The following MAML2 variants were observed in gnomAD, a reference collection of about 807,000 sequenced individuals.
MAML2 encodes mastermind-like protein 2.
A neutral mutation model predicts 96.1 loss-of-function variants in MAML2; 22 were observed. The ratio of observed to expected loss-of-function variants is 0.23; its 90% CI spans 0.16 to 0.33. The LOEUF (loss-of-function observed/expected upper bound fraction) is 0.33, where lower values mean the gene tolerates loss of function less well. Ranked by LOEUF, MAML2 falls within the 10% of genes least tolerant of loss-of-function variation. MAML2 has a pLI of 1.00. For missense variants in MAML2, 1,367 were observed against 1,392.4 expected (o/e 0.98, Z 0.29); for synonymous variants, 561 against 521.3 (o/e 1.08, Z -1.04).
Position 96,191,289 on chromosome 11 carries a change from C to A in MAML2, c.514-97772G>T, listed in dbSNP as rs527902410. Among the ~76,000 whole-genome samples the A allele has an allele frequency of 2.6e-5, 4 of 151,766 alleles. No homozygotes were observed. The South Asian group carries it at 6.3e-4, about 24-fold the overall frequency. On this transcript the variant is annotated intron_variant, in intron 1 of 4. Coordinates refer to ENST00000524717, the MANE Select transcript of MAML2 (RefSeq NM_032427.4). ...GACAATCCTGACCAACACGGTGAAA[C>A]CCCATCTCTACTAAAAATACAAAAA...
intron 2 of MAML2, among the ~76,000 whole-genome samples, chr11:96,034,186 A>G (rs575741458): frequency 1.3e-5 from 2 of 152,344 alleles, no homozygotes; most frequent in Non-Finnish European, 2.9e-5. Flanking sequence ...ATAGTTCAAC[A>G]TCTAAAACAT....
intron 2 of MAML2, among the ~76,000 whole-genome samples, chr11:96,085,232 A>G (rs760752154): frequency 8.5e-5 from 13 of 152,138 alleles, no homozygotes; most frequent in Non-Finnish European, 1.3e-4. Context: ...AAGGGTTAAG[A>G]TGATTCACTG....
chr11:96,042,748 T>TA (rs1247870188), intron 2 of MAML2, among the ~76,000 whole-genome samples: 2 of 147,134 alleles, frequency 1.4e-5, no homozygotes, highest in Non-Finnish European at 3.0e-5. Context: ...AACGTTCTTT[T>TA]TTTTTTTTTT....
At chr11:95,993,261 C>T (rs191921422) in intron 2 of MAML2, among the ~76,000 whole-genome samples, 281 of 151,060 alleles carry the variant, frequency 1.9e-3, no homozygotes, top group African/African-American at 6.4e-3. Flanking sequence ...TGTAAGGTTA[C>T]AAGACATAAA....
At chr11:96,268,198 G>A (rs1037561191) in intron 1 of MAML2, among the ~76,000 whole-genome samples, 1 of 152,140 alleles carries the variant, frequency 6.6e-6, no homozygotes, top group Non-Finnish European at 1.5e-5. Context: ...AAGTAGGCTG[G>A]GTGCACTGAC....
At chr11:95,984,292 C>A (rs965406548) in intron 4 of MAML2, among the ~76,000 whole-genome samples, 7 of 152,132 alleles carry the variant, frequency 4.6e-5, no homozygotes, top group Non-Finnish European at 8.8e-5. Flanking sequence ...ATGAAATTAC[C>A]TAACAACGCA....
chr11:96,223,810 T>C (rs1862174781), intron 1 of MAML2, among the ~76,000 whole-genome samples: 1 of 152,208 alleles, frequency 6.6e-6, no homozygotes, highest in African/African-American at 2.4e-5. Flanking sequence ...TTAGTTTAGG[T>C]ACAACACAAT....
intron 3 of MAML2, among the ~76,000 whole-genome samples, chr11:95,991,084 T>C (rs1857902372): frequency 1.3e-5 from 2 of 151,962 alleles, no homozygotes; most frequent in Non-Finnish European, 2.9e-5. Context: ...AGTTGCTTTA[T>C]TTTGGAAGCC....
At chr11:96,099,884 C>T (rs974250297) in intron 1 of MAML2, among the ~76,000 whole-genome samples, 1 of 152,194 alleles carries the variant, frequency 6.6e-6, no homozygotes, top group East Asian at 1.9e-4. Context: ...TAGCAATCCT[C>T]CTGCTTCAGC....
At chr11:96,162,544 T>C (rs1391199712) in intron 1 of MAML2, among the ~76,000 whole-genome samples, 1 of 151,624 alleles carries the variant, frequency 6.6e-6, no homozygotes, top group East Asian at 1.9e-4. Context: ...AGAAACCCTG[T>C]CTACTAAAAA....
chr11:96,137,681 G>A (rs750824557), intron 1 of MAML2, among the ~76,000 whole-genome samples: 2 of 152,202 alleles, frequency 1.3e-5, no homozygotes, highest in African/African-American at 2.4e-5. Flanking sequence ...GTGTGAGTGT[G>A]TCTGAAAGAC....
At chr11:96,183,713 T>A (rs1861527855) in intron 1 of MAML2, among the ~76,000 whole-genome samples, 1 of 152,112 alleles carries the variant, frequency 6.6e-6, no homozygotes, top group South Asian at 2.1e-4. Flanking sequence ...CCCAGCCCAT[T>A]TCTTTTATTA....
rs1334305027 is a variant in MAML2, at chr11:96,116,678, T to G, written c.514-23161A>C. Among the ~76,000 whole-genome samples, 5 of 152,340 alleles carry G rather than the reference T, an allele frequency of 3.3e-5. No homozygotes were observed. The East Asian group carries it at 5.8e-4, about 18-fold the overall frequency. ...AAAACAAATCAGGTTTCCAAAGTGC[T>G]TCTACTAAACAAGTGGATTCCTTTA... is the stretch of plus-strand genomic sequence containing the variant. On this transcript the variant is annotated intron_variant, in intron 1 of 4. Transcript: ENST00000524717.
At chr11:96,298,096 T>C (rs1384133682) in intron 1 of MAML2, among the ~76,000 whole-genome samples, 4 of 152,212 alleles carry the variant, frequency 2.6e-5, no homozygotes, top group Admixed American at 6.5e-5. Context: ...AAATTCACTA[T>C]ACTTAGGAAA....
chr11:96,245,595 T>C (rs1862499605), intron 1 of MAML2, among the ~76,000 whole-genome samples: 1 of 152,188 alleles, frequency 6.6e-6, no homozygotes, highest in African/African-American at 2.4e-5. Context: ...TGAGGTTTCA[T>C]CTGAAATGCA....
intron 1 of MAML2, among the ~76,000 whole-genome samples, chr11:96,285,533 A>G (rs537206865): frequency 1.5e-4 from 23 of 152,336 alleles, no homozygotes; most frequent in African/African-American, 5.3e-4. Flanking sequence ...CAGAGTGAAT[A>G]GACAACCTAC....
At chr11:96,085,595 A>G (rs1014221636) in intron 2 of MAML2, among the ~76,000 whole-genome samples, 37 of 152,140 alleles carry the variant, frequency 2.4e-4, no homozygotes, top group African/African-American at 8.7e-4. Context: ...TTGCATTTCC[A>G]TCTCCAGGTT....
At chr11:96,065,493 G>A (rs1388651670) in intron 2 of MAML2, among the ~76,000 whole-genome samples, 7 of 152,018 alleles carry the variant, frequency 4.6e-5, no homozygotes, top group African/African-American at 1.7e-4. Flanking sequence ...GCTTCCCAAA[G>A]TTATTTGGAT....
chr11:95,996,685 T>C (rs1857994975), intron 2 of MAML2, among the ~76,000 whole-genome samples: 3 of 152,216 alleles, frequency 2.0e-5, no homozygotes, highest in Admixed American at 2.0e-4. Flanking sequence ...TTTGCCCTTA[T>C]GTTTGCTGTA....
Sources: allele counts gnomAD v4.1 joint callset (sites outside exome capture counted in the v4.1 genomes callset), GRCh38; gene constraint gnomAD v4.1.1; transcripts MANE v1.5; gene names NCBI Gene and HGNC (gene_info 2026-07-23, HGNC 2026-07-21).